Variants in SDK1 observed in about 807,000 individuals in gnomAD.
SDK1 encodes the protein protein sidekick-1.
Under a neutral mutation model 245.5 loss-of-function variants are expected in SDK1, and 157 were observed. That is an observed-to-expected ratio of 0.64 (90% confidence interval 0.56 to 0.73). The LOEUF (loss-of-function observed/expected upper bound fraction) is 0.73, where lower values mean the gene tolerates loss of function less well. Among genes scored for constraint, SDK1 ranks in the 30% least tolerant of loss-of-function variants. The pLI is 0.00. For missense variants in SDK1, 3,583 were observed against 3,002.3 expected, an observed-to-expected ratio of 1.19 and a Z score of -4.52; for synonymous variants, 1,647 against 1,278.5, an observed-to-expected ratio of 1.29 and a Z score of -6.15.
chr7:4,194,815 G>T (rs1046496634), intron 35 of SDK1, among the ~76,000 whole-genome samples: 1 of 152,142 alleles, frequency 6.6e-6, no homozygotes, highest in Non-Finnish European at 1.5e-5. Flanking sequence ...TCACAGACAC[G>T]CCCAGGATTA....
Position 4,149,270 on chromosome 7 carries a change from G to A in SDK1, c.4432G>A (p.Ala1478Thr), listed in dbSNP as rs1780189577. The change falls in exon 30 of 45, where the codon GCA (alanine) becomes ACA (threonine). Residue 1478 changes from alanine to threonine, a missense_variant. By Grantham distance (58) the Ala-to-Thr change is moderately conservative. Transcript: ENST00000404826. ...VITTEKRERPAPPRELLVPQA... is the reference protein window; with the variant it reads ...VITTEKRERPTPPRELLVPQA... ...TCCTCATTTGGTTGCAGAGCGGCCG[G>A]CACCCCCCAGAGAGCTCCTGGTGCC... 4.6e-6 allele frequency: 7 copies of A among 1,523,194 alleles called. No individual in the cohort carries two copies. The highest frequency in any genetic ancestry group is 1.4e-5 in the African/African-American group (1 of 71,238). The allele number at this position is 1,523,194 out of a possible 1,614,324, so 94.4% of individuals were successfully genotyped here.
At chr7:4,090,915 G>C (rs1001937269) in intron 22 of SDK1, among the ~76,000 whole-genome samples, 3 of 151,974 alleles carry the variant, frequency 2.0e-5, no homozygotes, top group Non-Finnish European at 2.9e-5. Flanking sequence ...ACATCTATCC[G>C]AGCCCTTCTC....
At chr7:3,880,503 T>C (rs1220741831) in intron 5 of SDK1, among the ~76,000 whole-genome samples, 1 of 150,276 alleles carries the variant, frequency 6.7e-6, no homozygotes. Flanking sequence ...AGTGCAGCGA[T>C]GCGCAGATGC....
At position 4,184,950 on chromosome 7, in the gene SDK1, G is replaced by T. The variant is rs568602440; in HGVS notation, c.5098+6364G>T. Among the ~76,000 whole-genome samples the T allele has an allele frequency of 3.3e-5, 5 of 152,244 alleles. No individual in the cohort carries two copies. In the East Asian group the frequency reaches 9.7e-4, roughly 29 times the overall value. On this transcript the variant is annotated intron_variant, in intron 35 of 44. Transcript: ENST00000404826. Reference sequence around the variant, plus strand: ...TCATCAAGGTGGCCATACAGCCCTGGGCACAGAGAGCTTCCCTTTTCTGCA... The same window carrying T: ...TCATCAAGGTGGCCATACAGCCCTGTGCACAGAGAGCTTCCCTTTTCTGCA...
At chr7:3,988,828 G>T (rs1349757982) in intron 14 of SDK1, among the ~76,000 whole-genome samples, 1 of 152,208 alleles carries the variant, frequency 6.6e-6, no homozygotes, top group Non-Finnish European at 1.5e-5. Context: ...CTGGAGTGCA[G>T]TGGCATGATC....
At chr7:3,701,924 CA>C (rs58687135) in intron 4 of SDK1, among the ~76,000 whole-genome samples, 21,185 of 85,776 alleles carry the variant, frequency 0.25, 1,765 homozygotes, top group African/African-American at 0.41. Context: ...CGTGCATAAG[CA>C]AAAAAAAAAA....
At chr7:4,040,421 C>T (rs1031315362) in intron 17 of SDK1, among the ~76,000 whole-genome samples, 4 of 152,118 alleles carry the variant, frequency 2.6e-5, no homozygotes, top group Non-Finnish European at 4.4e-5. Flanking sequence ...CATTGTGAAG[C>T]GGCATTTTTG....
At chr7:3,457,320 A>G (rs540565069) in intron 1 of SDK1, among the ~76,000 whole-genome samples, 1 of 152,190 alleles carries the variant, frequency 6.6e-6, no homozygotes, top group Admixed American at 6.5e-5. Flanking sequence ...CTAACCAGTT[A>G]GTTTGCCTCT....
intron 1 of SDK1, among the ~76,000 whole-genome samples, chr7:3,449,464 G>A (rs556473157): frequency 6.6e-6 from 1 of 152,068 alleles, no homozygotes; most frequent in African/African-American, 2.4e-5. Context: ...CTCTAGCCAG[G>A]AGTGGCTTGA....
chr7:3,879,925 AT>A (rs113405731), intron 5 of SDK1, among the ~76,000 whole-genome samples: 2,753 of 150,088 alleles, frequency 0.018, 31 homozygotes, highest in Non-Finnish European at 0.029. Context: ...CTACATGACC[AT>A]TTTTTTTTTC....
chr7:3,485,643 T>C (rs964991552), intron 1 of SDK1, among the ~76,000 whole-genome samples: 2 of 149,790 alleles, frequency 1.3e-5, no homozygotes, highest in Non-Finnish European at 3.0e-5. Context: ...TGGATAGTTG[T>C]TCATTTTGAT....
At chr7:3,396,678 G>A (rs1324655264) in intron 1 of SDK1, among the ~76,000 whole-genome samples, 1 of 151,446 alleles carries the variant, frequency 6.6e-6, no homozygotes, top group Non-Finnish European at 1.5e-5. Context: ...GCTGTCCTCT[G>A]ATTACTGTTT....
At chr7:3,960,806 C>G (rs1043265572) in intron 8 of SDK1, among the ~76,000 whole-genome samples, 1 of 152,184 alleles carries the variant, frequency 6.6e-6, no homozygotes, top group Non-Finnish European at 1.5e-5. Flanking sequence ...ATCTTTCTTA[C>G]AGTGGTTGCA....
intron 4 of SDK1, among the ~76,000 whole-genome samples, chr7:3,645,725 C>G (rs145428621): frequency 4.6e-5 from 7 of 152,118 alleles, no homozygotes; most frequent in Non-Finnish European, 7.3e-5. Context: ...CTCGCACCCA[C>G]GGGATTGGTA....
chr7:4,075,359 A>G (rs1780599741), intron 20 of SDK1, among the ~76,000 whole-genome samples: 1 of 152,196 alleles, frequency 6.6e-6, no homozygotes, highest in Non-Finnish European at 1.5e-5. Flanking sequence ...TAAAGTCTCA[A>G]GATGCTGTCC....
At chr7:3,652,804 C>G (rs1028114519) in intron 4 of SDK1, among the ~76,000 whole-genome samples, 18 of 152,130 alleles carry the variant, frequency 1.2e-4, no homozygotes, top group African/African-American at 4.1e-4. Flanking sequence ...TGTAGCCTAA[C>G]TACCATGTGG....
chr7:3,851,373 T>C (rs1300884437), intron 5 of SDK1, among the ~76,000 whole-genome samples: 1 of 152,138 alleles, frequency 6.6e-6, no homozygotes, highest in Non-Finnish European at 1.5e-5. Context: ...TTTATGTTAA[T>C]AATATAAGTA....
intron 5 of SDK1, among the ~76,000 whole-genome samples, chr7:3,950,143 A>G (rs1428266015): frequency 6.6e-6 from 1 of 152,278 alleles, no homozygotes; most frequent in African/African-American, 2.4e-5. Flanking sequence ...CACACAGAGC[A>G]GTAGCGTAAG....
intron 1 of SDK1, among the ~76,000 whole-genome samples, chr7:3,371,106 G>C (rs141887156): frequency 1.3e-4 from 20 of 152,274 alleles, no homozygotes; most frequent in Admixed American, 1.3e-3. Flanking sequence ...GAGTGCCTGA[G>C]TCTCAGAGCA....
Sources: gnomAD v4.1 joint callset for allele counts (sites outside exome capture counted in the v4.1 genomes callset) on GRCh38, gnomAD v4.1.1 for gene constraint, MANE v1.5 for transcripts, NCBI Gene and HGNC (gene_info 2026-07-23, HGNC 2026-07-21) for gene names.